PLCL2: variants seen among roughly 807,000 people sequenced by gnomAD.
PLCL2 encodes the protein inactive phospholipase C-like protein 2.
A neutral mutation model predicts 79.6 loss-of-function variants in PLCL2; 4 were observed. The observed-to-expected ratio is 0.05, with a 90% CI of 0.02 to 0.11. The LOEUF is 0.11. Ranked by LOEUF, PLCL2 falls within the 10% of genes least tolerant of loss-of-function variation. The pLI, the probability that PLCL2 is intolerant of heterozygous loss-of-function variation, is 1.00. For missense variants in PLCL2, 895 were observed against 1,291.0 expected (o/e 0.69, Z 4.70); for synonymous variants, 484 against 457.7 (o/e 1.06, Z -0.73).
intron 4 of PLCL2, among the ~76,000 whole-genome samples, chr3:17,048,756 T>C (rs2064808330): frequency 6.6e-6 from 1 of 152,176 alleles, no homozygotes; most frequent in African/African-American, 2.4e-5. Context: ...AGTTTATCAT[T>C]CCAGTAAGTT....
At chr3:17,000,776 A>G (rs753550617) in intron 1 of PLCL2, among the ~76,000 whole-genome samples, 15 of 152,090 alleles carry the variant, frequency 9.9e-5, no homozygotes, top group Non-Finnish European at 1.2e-4. Flanking sequence ...TGGGTGAATA[A>G]TATTCCATTA....
intron 1 of PLCL2, among the ~76,000 whole-genome samples, chr3:16,920,870 G>A (rs1401820847): frequency 6.6e-6 from 1 of 152,028 alleles, no homozygotes; most frequent in Non-Finnish European, 1.5e-5. Flanking sequence ...AATGTGTTTT[G>A]GTAATTCCAC....
chr3:17,070,377 T>C (rs1216416667), intron 5 of PLCL2, among the ~76,000 whole-genome samples: 2 of 152,196 alleles, frequency 1.3e-5, no homozygotes, highest in African/African-American at 2.4e-5. Flanking sequence ...TTGGACCAAA[T>C]AGATACACTG....
chr3:17,018,356 G>A (rs34824028), intron 3 of PLCL2, among the ~76,000 whole-genome samples: 23,261 of 152,114 alleles, frequency 0.15, 2,266 homozygotes, highest in Non-Finnish European at 0.2. Context: ...TCATGCAAAT[G>A]GAGGCTTACA....
At chr3:16,901,727 TAAAAA>T (rs1414268820) in intron 1 of PLCL2, among the ~76,000 whole-genome samples, 1 of 152,144 alleles carries the variant, frequency 6.6e-6, no homozygotes, top group Non-Finnish European at 1.5e-5. Context: ...TCTCACGTTC[TAAAAA>T]ACAAGAAAGG....
intron 1 of PLCL2, among the ~76,000 whole-genome samples, chr3:16,995,313 C>T (rs2064142699): frequency 6.6e-6 from 1 of 152,204 alleles, no homozygotes; most frequent in Non-Finnish European, 1.5e-5. Context: ...CGTTTGTTGA[C>T]CTTTTAAAAC....
chr3:16,942,281 A>C (rs1290605375), intron 1 of PLCL2, among the ~76,000 whole-genome samples: 1 of 152,230 alleles, frequency 6.6e-6, no homozygotes, highest in Non-Finnish European at 1.5e-5. Context: ...GCAATTACAT[A>C]GGCGAAAGTG....
chr3:17,036,538 A>T (rs2064657516), intron 3 of PLCL2, among the ~76,000 whole-genome samples: 1 of 152,196 alleles, frequency 6.6e-6, no homozygotes, highest in Admixed American at 6.6e-5. Flanking sequence ...AAGAGAGATT[A>T]TATTGTTAAC....
At chr3:16,962,238 A>G (rs1437978428) in intron 1 of PLCL2, among the ~76,000 whole-genome samples, 1 of 152,160 alleles carries the variant, frequency 6.6e-6, no homozygotes, top group Non-Finnish European at 1.5e-5. Context: ...TTGAAAGGGG[A>G]TGATCAGTTG....
intron 1 of PLCL2, among the ~76,000 whole-genome samples, chr3:16,934,531 C>T (rs1402739293): frequency 6.6e-6 from 1 of 152,144 alleles, no homozygotes; most frequent in Non-Finnish European, 1.5e-5. Context: ...ATCACCGTAG[C>T]TCTCCATAAG....
chr3:16,968,955 G>A (rs1188433187), intron 1 of PLCL2, among the ~76,000 whole-genome samples: 1 of 152,050 alleles, frequency 6.6e-6, no homozygotes, highest in African/African-American at 2.4e-5. Context: ...TTTTTAACAC[G>A]AAGGATGTTG....
intron 1 of PLCL2, among the ~76,000 whole-genome samples, chr3:16,920,841 C>G (rs1472643210): frequency 1.3e-5 from 2 of 152,198 alleles, no homozygotes; most frequent in East Asian, 3.8e-4. Context: ...TAATTTCTCG[C>G]ACCAAATCAT....
chr3:17,026,911 A>C (rs186148156), intron 3 of PLCL2, among the ~76,000 whole-genome samples: 32 of 152,286 alleles, frequency 2.1e-4, no homozygotes, highest in East Asian at 5.8e-4. Flanking sequence ...TATTAGAAAA[A>C]AAAACAAAAC....
In PLCL2 at chr3:17,009,800, G is replaced by C; in HGVS notation, c.454G>C (p.Val152Leu). 1.2e-6 allele frequency: 2 copies of C among 1,613,848 alleles called. No individual in the cohort carries two copies. The highest frequency in any genetic ancestry group is 1.7e-6 in the Non-Finnish European group (2 of 1,179,816). The change falls in exon 2 of 6, where the codon GTT becomes CTT. Residue 152 changes from valine (V) to leucine (L), a missense_variant. This residue lies in a region of PLCL2 where 129 missense variants were observed against 208.8 expected (regional missense o/e 0.62). Coordinates refer to ENST00000615277, the MANE Select transcript of PLCL2 (RefSeq NM_001144382.2). This position sits in a 1 kb window ranked among gnomAD's most constrained non-coding sequence, Gnocchi z 4.0. ...GGTTGAGGGTTCAGAACTCAAAAAG[G>C]TTCGCTCCAACTCTAGAATTTATCA... is the stretch of plus-strand genomic sequence containing the variant. ...SMVEGSELKK[V>L]RSNSRIYHRY...
intron 1 of PLCL2, among the ~76,000 whole-genome samples, chr3:16,958,760 A>G (rs376849535): frequency 1.3e-3 from 202 of 152,254 alleles, no homozygotes; most frequent in Non-Finnish European, 2.3e-3. Context: ...TTTGTTTTCT[A>G]TAAGTATTTG....
chr3:16,935,014 G>A (rs910323148), intron 1 of PLCL2, among the ~76,000 whole-genome samples: 1 of 152,326 alleles, frequency 6.6e-6, no homozygotes, highest in Admixed American at 6.5e-5. Flanking sequence ...ATTGCCTCCA[G>A]AAAGGCTAAT....
chr3:16,906,915 AC>A (rs1696764613), intron 1 of PLCL2, among the ~76,000 whole-genome samples: 1 of 152,216 alleles, frequency 6.6e-6, no homozygotes, highest in African/African-American at 2.4e-5. Context: ...GTGGTTGCAG[AC>A]TTGGGGAAGG....
chr3:17,024,474 A>C (rs1176212260), intron 3 of PLCL2, among the ~76,000 whole-genome samples: 1 of 152,194 alleles, frequency 6.6e-6, no homozygotes, highest in African/African-American at 2.4e-5. Flanking sequence ...AAAAGTTTTT[A>C]TAGCATCTAG....
intron 1 of PLCL2, among the ~76,000 whole-genome samples, chr3:16,953,995 A>G (rs910046671): frequency 2.0e-5 from 3 of 152,030 alleles, no homozygotes; most frequent in Non-Finnish European, 4.4e-5. Flanking sequence ...ATTTTTACTC[A>G]GTGACATATA....
Sources: gnomAD v4.1 joint callset for allele counts (sites outside exome capture counted in the v4.1 genomes callset) on GRCh38, gnomAD v4.1.1 for gene constraint, gnomAD v4.1.1 regional missense constraint, Gnocchi (gnomAD v3.1) non-coding constraint, MANE v1.5 for transcripts, NCBI Gene and HGNC (gene_info 2026-07-23, HGNC 2026-07-21) for gene names.